WDFY1: variants seen among roughly 807,000 people sequenced by gnomAD.
The protein encoded by WDFY1 is WD repeat and FYVE domain-containing protein 1.
Under a neutral mutation model 56.4 loss-of-function variants are expected in WDFY1, and 32 were observed. The ratio of observed to expected loss-of-function variants is 0.57; its 90% CI spans 0.43 to 0.76. WDFY1 has a LOEUF of 0.76. Among genes scored for constraint, WDFY1 ranks in the 30% least tolerant of loss-of-function variants. The pLI is 0.00. For synonymous variants in WDFY1, 192 were observed against 197.3 expected, an observed-to-expected ratio of 0.97 and a Z score of 0.23; for missense variants, 480 against 545.7, an observed-to-expected ratio of 0.88 and a Z score of 1.20.
intron 11 of WDFY1, 98 bp from the exon 12 acceptor site, chr2:223,878,828 G>C (rs138538836): frequency 1.4e-6 from 2 of 1,410,066 alleles, no homozygotes; most frequent in Admixed American, 2.1e-5. Flanking sequence ...AACCTGAAAA[G>C]GTGTCAAATT....
At chr2:223,937,672 C>T (rs1242958040) in intron 1 of WDFY1, among the ~76,000 whole-genome samples, 1 of 152,136 alleles carries the variant, frequency 6.6e-6, no homozygotes, top group Non-Finnish European at 1.5e-5. Flanking sequence ...CTTAACTATG[C>T]TATAAAAAGA....
chr2:223,930,591 A>G (rs1475244712), intron 1 of WDFY1, among the ~76,000 whole-genome samples: 1 of 152,218 alleles, frequency 6.6e-6, no homozygotes, highest in Non-Finnish European at 1.5e-5. Flanking sequence ...TTGGCCTCCC[A>G]GGCATGAACT....
At chr2:223,910,657 A>AT (rs1485747086) in intron 3 of WDFY1, among the ~76,000 whole-genome samples, 3 of 152,168 alleles carry the variant, frequency 2.0e-5, no homozygotes, top group Non-Finnish European at 2.9e-5. Flanking sequence ...GATCCTCAAC[A>AT]TCACTAGTCA....
chr2:223,897,128 T>C (rs896639189), intron 6 of WDFY1, among the ~76,000 whole-genome samples: 5 of 152,086 alleles, frequency 3.3e-5, no homozygotes, highest in African/African-American at 1.2e-4. Flanking sequence ...AAGCATAGTG[T>C]ACATTTATTA....
rs1020755005 is a variant in WDFY1, at chr2:223,877,810, T to C, written c.*861A>G. The C allele has an allele frequency of 3.9e-5, 6 of 152,722 alleles. No individual in the cohort carries two copies. The East Asian group carries it at 1.2e-3, about 29-fold the overall frequency. The allele number at this position is 152,722 out of a possible 1,614,324, so 9.5% of individuals were successfully genotyped here. A position where few individuals can be genotyped will look rare whatever the true frequency, so the allele number is the denominator to read the frequency against. ...GTTTCAGTTAAGAGGACTGGGCTGT[T>C]TCAGGCAACAGACTGATCATTTCGC... On this transcript the variant is annotated 3_prime_UTR_variant, in exon 12 of 12. Coordinates refer to ENST00000233055, the MANE Select transcript of WDFY1 (RefSeq NM_020830.5).
At chr2:223,916,193 A>C (rs1160089696) in intron 2 of WDFY1, among the ~76,000 whole-genome samples, 1 of 152,202 alleles carries the variant, frequency 6.6e-6, no homozygotes, top group African/African-American at 2.4e-5. Flanking sequence ...GGTAGAAGGC[A>C]GAAAAATAAA....
chr2:223,894,935 CA>C (rs1574762429), intron 7 of WDFY1, among the ~76,000 whole-genome samples: 1 of 152,202 alleles, frequency 6.6e-6, no homozygotes, highest in African/African-American at 2.4e-5. Context: ...GCAGCCTAGC[CA>C]AAAAGGAAAG....
At chr2:223,917,888 AATC>A in intron 2 of WDFY1, 52 bp downstream of exon 2, 1 of 1,602,872 alleles carries the variant, frequency 6.2e-7, no homozygotes, top group Non-Finnish European at 8.5e-7. Context: ...TTGAAATTTA[AATC>A]ATCAAAAACA....
chr2:223,898,730 C>T (rs978034003), intron 6 of WDFY1, among the ~76,000 whole-genome samples: 2 of 152,042 alleles, frequency 1.3e-5, no homozygotes, highest in Admixed American at 6.5e-5. Context: ...AGGTAAGCAA[C>T]GTAGAAAGTA....
chr2:223,942,527 CTT>C (rs57223015), intron 1 of WDFY1, among the ~76,000 whole-genome samples: 6 of 74,216 alleles, frequency 8.1e-5, no homozygotes, highest in South Asian at 4.7e-4. Flanking sequence ...CAAAGGCTAA[CTT>C]TTTTTTTTTT....
chr2:223,911,210 T>C (rs1048250899), intron 3 of WDFY1, among the ~76,000 whole-genome samples: 3 of 152,158 alleles, frequency 2.0e-5, no homozygotes, highest in African/African-American at 4.8e-5. Flanking sequence ...TTGGATTCAG[T>C]AAATTAGTGA....
At chr2:223,902,421 T>C (rs1693520956) in intron 4 of WDFY1, among the ~76,000 whole-genome samples, 1 of 152,078 alleles carries the variant, frequency 6.6e-6, no homozygotes, top group South Asian at 2.1e-4. Flanking sequence ...TAAAACCAGC[T>C]GGGCATGGTG....
At chr2:223,913,525 C>T (rs918803672) in intron 2 of WDFY1, among the ~76,000 whole-genome samples, 1 of 152,068 alleles carries the variant, frequency 6.6e-6, no homozygotes, top group African/African-American at 2.4e-5. Flanking sequence ...ATTAAAAGAA[C>T]GATCAAGTAT....
rs1306231508 is a variant in WDFY1, at chr2:223,901,353, A to G, written c.335-20T>C. 1.8e-5 allele frequency: 29 copies of G among 1,613,422 alleles called. No individual in the cohort carries two copies. Among genetic ancestry groups the G allele is most frequent in the Non-Finnish European group, 2.4e-5 (28 of 1,179,718 alleles). On this transcript the variant is annotated intron_variant, in intron 4 of 11. Coordinates refer to ENST00000233055, the MANE Select transcript of WDFY1 (RefSeq NM_020830.5). ...GATGAGCTGCAGGAACAGAAAGGTG[A>G]ACAGATGTCATCTCCAGAAACAGCA...
chr2:223,945,215 G>C lies in WDFY1; in HGVS notation c.70C>G (p.Gln24Glu), dbSNP rs887878527. Residue 24 changes from glutamine to glutamate, a missense_variant, in exon 1 of 12, where the codon CAG becomes GAG. Transcript: ENST00000233055. ...AGCAGCGCGGCCGTGACGGCGTCCTGGTGCCCCTCGATCTTGCTCAGCAGC... is the reference window on the plus strand; with the variant it reads ...AGCAGCGCGGCCGTGACGGCGTCCTCGTGCCCCTCGATCTTGCTCAGCAGC... ...PVLLSKIEGH[Q>E]DAVTAALLIP... The C allele has an allele frequency of 1.9e-6, 3 of 1,598,874 alleles. No individual in the cohort carries two copies. In the African/African-American group the frequency reaches 4.1e-5, roughly 22 times the overall value.
chr2:223,881,215 T>C (rs1392284110), intron 10 of WDFY1, among the ~76,000 whole-genome samples: 1 of 152,216 alleles, frequency 6.6e-6, no homozygotes, highest in Non-Finnish European at 1.5e-5. Context: ...CATTGGTCTC[T>C]AGAGTTTTCC....
chr2:223,945,061 G>A lies in WDFY1; in HGVS notation c.137+87C>T, dbSNP rs546404296. On this transcript the variant is annotated intron_variant, in intron 1 of 11. Coordinates refer to ENST00000233055, the MANE Select transcript of WDFY1 (RefSeq NM_020830.5). ...CGTGCTGCCGGGGGAGCCCCCTCAC[G>A]CAGGAAGGACCGGGGCCGCGGACCC... 9 of 1,425,472 alleles carry A rather than the reference G, an allele frequency of 6.3e-6. No homozygotes were observed. The Admixed American group carries it at 7.5e-5, about 12-fold the overall frequency. The allele number at this position is 1,425,472 out of a possible 1,614,324, so 88.3% of individuals were successfully genotyped here.
chr2:223,891,427 T>C (rs1167917967), intron 8 of WDFY1, among the ~76,000 whole-genome samples: 1 of 139,572 alleles, frequency 7.2e-6, no homozygotes, highest in African/African-American at 2.7e-5. Flanking sequence ...GTCAGAACCT[T>C]ATAGATTATA....
intron 8 of WDFY1, among the ~76,000 whole-genome samples, chr2:223,891,047 A>C (rs1303045112): frequency 6.6e-6 from 1 of 152,068 alleles, no homozygotes. Flanking sequence ...AGGATCTGGG[A>C]TCAATCCTCT....
Sources: allele counts gnomAD v4.1 joint callset (sites outside exome capture counted in the v4.1 genomes callset), GRCh38; gene constraint gnomAD v4.1.1; transcripts MANE v1.5; gene names NCBI Gene and HGNC (gene_info 2026-07-23, HGNC 2026-07-21).